The following NEDD4L variants were observed in gnomAD, a reference collection of about 807,000 sequenced individuals.
NEDD4L encodes NEDD4 like E3 ubiquitin protein ligase.
In NEDD4L, 54 loss-of-function variants were observed where a neutral mutation model predicts 148.9. The observed-to-expected ratio is 0.36, with a 90% CI of 0.29 to 0.45. The LOEUF (loss-of-function observed/expected upper bound fraction) is 0.45. NEDD4L is among the 20% of genes least tolerant of loss of function. The pLI, the probability that NEDD4L is intolerant of heterozygous loss-of-function variation, is 1.00. For synonymous variants in NEDD4L, 433 were observed against 440.7 expected (o/e 0.98, Z 0.22); for missense variants, 856 against 1,233.8 (o/e 0.69, Z 4.59).
At chr18:58,274,943 C>T (rs192004767) in intron 5 of NEDD4L, among the ~76,000 whole-genome samples, 127 of 152,260 alleles carry the variant, frequency 8.3e-4, no homozygotes, top group African/African-American at 2.8e-3. Flanking sequence ...TGCTATAAAA[C>T]GAAATCTGCT....
At chr18:58,063,016 GTCGATAAT>G (rs1261485104) in intron 1 of NEDD4L, among the ~76,000 whole-genome samples, 1 of 143,240 alleles carries the variant, frequency 7.0e-6, no homozygotes, top group Non-Finnish European at 1.5e-5. Context: ...AAATCGAAGG[GTCGATAAT>G]TTCATTTATT....
At chr18:58,191,504 T>C (rs1392661774) in intron 2 of NEDD4L, among the ~76,000 whole-genome samples, 2 of 152,236 alleles carry the variant, frequency 1.3e-5, no homozygotes, top group Non-Finnish European at 2.9e-5. Context: ...GTAAGTTCCC[T>C]GGACTGAGGT....
chr18:58,385,183 A>C (rs554696014), intron 25 of NEDD4L, among the ~76,000 whole-genome samples: 1 of 152,334 alleles, frequency 6.6e-6, no homozygotes, highest in South Asian at 2.1e-4. Context: ...TTCATACCCC[A>C]TGAACTTTTC....
chr18:58,377,510 G>T (rs1443098687), intron 24 of NEDD4L, among the ~76,000 whole-genome samples: 1 of 152,074 alleles, frequency 6.6e-6, no homozygotes, highest in Non-Finnish European at 1.5e-5. Flanking sequence ...TTTCTGATTG[G>T]TAAGAATCTG....
chr18:58,319,675 G>A (rs1440576106), intron 6 of NEDD4L, among the ~76,000 whole-genome samples: 1 of 152,192 alleles, frequency 6.6e-6, no homozygotes, highest in Non-Finnish European at 1.5e-5. Flanking sequence ...TTGGAACCTG[G>A]ATGAATGCCA....
chr18:58,077,489 A>C (rs76470537), intron 1 of NEDD4L, among the ~76,000 whole-genome samples: 10,524 of 152,256 alleles, frequency 0.069, 466 homozygotes, highest in East Asian at 0.16. Flanking sequence ...TCGGTACAGT[A>C]CAGTCCTAAA....
At chr18:58,132,275 A>G (rs1388852301) in intron 1 of NEDD4L, among the ~76,000 whole-genome samples, 1 of 152,026 alleles carries the variant, frequency 6.6e-6, no homozygotes, top group African/African-American at 2.4e-5. Flanking sequence ...CCCACAGGAG[A>G]GAGGGGATTA....
At chr18:58,352,378 G>C (rs2044001700) in intron 18 of NEDD4L, among the ~76,000 whole-genome samples, 3 of 152,138 alleles carry the variant, frequency 2.0e-5, no homozygotes, top group African/African-American at 7.2e-5. Context: ...TTTCCGGCTT[G>C]GTGCAGTGGC....
At chr18:58,238,579 T>G (rs1754976884) in intron 2 of NEDD4L, among the ~76,000 whole-genome samples, 2 of 152,204 alleles carry the variant, frequency 1.3e-5, no homozygotes, top group Non-Finnish European at 2.9e-5. Context: ...GTACCATAAT[T>G]TATTTAATTG....
intron 2 of NEDD4L, among the ~76,000 whole-genome samples, chr18:58,210,599 C>A (rs1170403021): frequency 6.6e-6 from 1 of 152,112 alleles, no homozygotes; most frequent in Non-Finnish European, 1.5e-5. Flanking sequence ...CAGGCATGTG[C>A]CATCATGCCC....
intron 1 of NEDD4L, among the ~76,000 whole-genome samples, chr18:58,161,103 G>A (rs937716607): frequency 7.9e-5 from 12 of 151,962 alleles, no homozygotes; most frequent in Non-Finnish European, 1.5e-4. Context: ...TGCAACCTCC[G>A]CCTCCTGGGT....
At chr18:58,365,940 T>C in intron 20 of NEDD4L, 59 bp from the exon 21 acceptor site, 3 of 1,219,802 alleles carry the variant, frequency 2.5e-6, no homozygotes, top group Non-Finnish European at 1.1e-6. Context: ...TTGTTTTTAT[T>C]AGAAAACAAA....
intron 11 of NEDD4L, among the ~76,000 whole-genome samples, chr18:58,331,625 C>A (rs1255391171): frequency 6.6e-6 from 1 of 152,228 alleles, no homozygotes; most frequent in African/African-American, 2.4e-5. Context: ...AGAAATAACC[C>A]ATAGAAAATC....
intron 25 of NEDD4L, 68 bp downstream of exon 25, chr18:58,383,387 G>C: frequency 1.2e-6 from 1 of 847,354 alleles, no homozygotes; most frequent in Non-Finnish European, 1.9e-6. Flanking sequence ...ACTGTCCCTT[G>C]CTGAAACAGC....
At chr18:58,096,438 C>G (rs1052466629) in intron 1 of NEDD4L, among the ~76,000 whole-genome samples, 2 of 148,918 alleles carry the variant, frequency 1.3e-5, no homozygotes, top group African/African-American at 5.0e-5. Context: ...GAGTCTTGCT[C>G]TGTCACCCAG....
intron 15 of NEDD4L, 103 bp from the exon 16 acceptor site, chr18:58,342,803 C>G: frequency 3.5e-6 from 3 of 855,780 alleles, no homozygotes; most frequent in Non-Finnish European, 5.0e-6. Flanking sequence ...GATCTTCCCT[C>G]TTGTCCATCT....
At chr18:58,060,996 G>A (rs2082306516) in intron 1 of NEDD4L, among the ~76,000 whole-genome samples, 1 of 152,134 alleles carries the variant, frequency 6.6e-6, no homozygotes, top group South Asian at 2.1e-4. Flanking sequence ...CTGACCTCAA[G>A]TGATGTACCG....
intron 5 of NEDD4L, among the ~76,000 whole-genome samples, chr18:58,274,427 G>A (rs1159617988): frequency 6.6e-6 from 1 of 152,198 alleles, no homozygotes. Context: ...TGGCCCAGTT[G>A]TTTTCCCGGA....
intron 5 of NEDD4L, among the ~76,000 whole-genome samples, chr18:58,314,136 G>A (rs147338661): frequency 8.1e-4 from 123 of 152,194 alleles, no homozygotes; most frequent in African/African-American, 2.8e-3. Context: ...GCAAAATCAG[G>A]CCAGGCATGG....
Sources: gnomAD v4.1 joint callset for allele counts (sites outside exome capture counted in the v4.1 genomes callset) on GRCh38, gnomAD v4.1.1 for gene constraint, MANE v1.5 for transcripts, NCBI Gene and HGNC (gene_info 2026-07-23, HGNC 2026-07-21) for gene names.